RNGTT: variants seen among roughly 807,000 people sequenced by gnomAD.
RNGTT encodes RNA guanylyltransferase and 5'-phosphatase.
RNGTT carries 33 observed loss-of-function variants against 79.3 expected under a neutral mutation model. That is an observed-to-expected ratio of 0.42 (90% confidence interval 0.32 to 0.56). The LOEUF (loss-of-function observed/expected upper bound fraction) is 0.56, where lower values mean the gene tolerates loss of function less well. RNGTT is among the 20% of genes least tolerant of loss of function. The pLI, the probability that RNGTT is intolerant of heterozygous loss-of-function variation, is 0.17. For missense variants in RNGTT, 497 were observed against 739.1 expected, an observed-to-expected ratio of 0.67 and a Z score of 3.80; for synonymous variants, 222 against 235.9, an observed-to-expected ratio of 0.94 and a Z score of 0.54.
intron 4 of RNGTT, among the ~76,000 whole-genome samples, chr6:88,925,123 G>T (rs751159007): frequency 2.6e-5 from 4 of 151,324 alleles, no homozygotes; most frequent in Non-Finnish European, 5.9e-5. Flanking sequence ...CCAGAAACTG[G>T]ATTAAAAACC....
At chr6:88,847,216 C>A (rs996977697) in intron 10 of RNGTT, among the ~76,000 whole-genome samples, 1 of 152,046 alleles carries the variant, frequency 6.6e-6, no homozygotes, top group African/African-American at 2.4e-5. Flanking sequence ...CAATGAAACG[C>A]TGTGCAAATG....
At chr6:88,669,933 C>T (rs980042609) in intron 14 of RNGTT, among the ~76,000 whole-genome samples, 22 of 152,184 alleles carry the variant, frequency 1.4e-4, no homozygotes, top group African/African-American at 5.1e-4. Flanking sequence ...ATACCAAACC[C>T]CCATTTACAT....
chr6:88,878,018 A>G (rs1292663203), intron 8 of RNGTT, among the ~76,000 whole-genome samples: 1 of 152,200 alleles, frequency 6.6e-6, no homozygotes, highest in Non-Finnish European at 1.5e-5. Context: ...TAAAATTAGT[A>G]TAGTTAGTAT....
At chr6:88,707,007 G>C (rs1014512264) in intron 13 of RNGTT, among the ~76,000 whole-genome samples, 1 of 152,144 alleles carries the variant, frequency 6.6e-6, no homozygotes, top group African/African-American at 2.4e-5. Flanking sequence ...AGAAGGTGAT[G>C]AATTAAACTT....
intron 14 of RNGTT, among the ~76,000 whole-genome samples, chr6:88,615,209 T>C (rs540080681): frequency 1.3e-5 from 2 of 152,358 alleles, no homozygotes; most frequent in East Asian, 3.9e-4. Context: ...TCTGTCCTCA[T>C]CTTTCATGGC....
intron 2 of RNGTT, among the ~76,000 whole-genome samples, chr6:88,929,548 T>C (rs1784420357): frequency 6.6e-6 from 1 of 152,162 alleles, no homozygotes; most frequent in South Asian, 2.1e-4. Context: ...CAAAAGTCTA[T>C]GCAAAAGAGA....
chr6:88,761,020 C>CACAT (rs1554214412), intron 13 of RNGTT, among the ~76,000 whole-genome samples: 1 of 50,160 alleles, frequency 2.0e-5, no homozygotes, highest in Admixed American at 2.5e-4. Context: ...AAAAGAAATA[C>CACAT]ACACACACAC....
intron 1 of RNGTT, among the ~76,000 whole-genome samples, chr6:88,942,020 TCACTATGTTGTC>T (rs1784865806): frequency 6.6e-6 from 1 of 152,006 alleles, no homozygotes; most frequent in African/African-American, 2.4e-5. Context: ...TTGTCAGGTC[TCACTATGTTGTC>T]CAGGCTAGTC....
chr6:88,853,870 A>G (rs913099942), intron 8 of RNGTT, 106 bp from the exon 9 acceptor site: 1 of 605,586 alleles, frequency 1.7e-6, no homozygotes, highest in African/African-American at 1.9e-5. Context: ...TCTGTAGACT[A>G]ATGTTCACTG....
chr6:88,688,726 T>G lies in RNGTT; in HGVS notation c.1440-10307A>C, dbSNP rs79116715. On this transcript the variant is annotated intron_variant, in intron 13 of 15. Transcript: ENST00000369485. ...TATAACCCATAAAATAAAATACAGC[T>G]CTGACCCTTGAATAACATGGGTTTG... 8.3e-3 allele frequency among the ~76,000 whole-genome samples: 1,256 copies of G among 152,212 alleles called. 19 individuals carry two copies. The highest frequency in any genetic ancestry group is 0.028 in the African/African-American group (1,183 of 41,538).
At chr6:88,808,696 G>A (rs1187061976) in intron 11 of RNGTT, among the ~76,000 whole-genome samples, 1 of 152,140 alleles carries the variant, frequency 6.6e-6, no homozygotes, top group Non-Finnish European at 1.5e-5. Flanking sequence ...GATAGCTTGA[G>A]CCCAGGAGTT....
chr6:88,612,349 G>A lies in RNGTT; in HGVS notation c.*370C>T, dbSNP rs1233649866. On this transcript the variant is annotated 3_prime_UTR_variant, in exon 16 of 16. Transcript: ENST00000369485. ...AACTTCTAAAAAATACTGTTTTATG[G>A]GCTCACAGTTTCCAGATTGTTAACT... 1 of 158,018 alleles carries A rather than the reference G, an allele frequency of 6.3e-6. No homozygotes were observed. Among genetic ancestry groups the A allele is most frequent in the African/African-American group, 2.4e-5 (1 of 41,580 alleles). 9.8% of individuals were successfully genotyped at this position (158,018 alleles called of 1,614,324 possible).
intron 12 of RNGTT, among the ~76,000 whole-genome samples, chr6:88,773,873 A>G (rs1308165579): frequency 3.3e-5 from 5 of 152,198 alleles, no homozygotes; most frequent in Admixed American, 3.3e-4. Flanking sequence ...AGAAGAAAAC[A>G]TAAGGCTCTG....
At chr6:88,821,485 CAAAGA>C (rs1048477711) in intron 11 of RNGTT, among the ~76,000 whole-genome samples, 3 of 151,570 alleles carry the variant, frequency 2.0e-5, no homozygotes, top group Admixed American at 6.6e-5. Context: ...AAAAGAAGAA[CAAAGA>C]AAAGTATAAA....
intron 14 of RNGTT, among the ~76,000 whole-genome samples, chr6:88,656,681 G>C (rs1773989656): frequency 6.6e-6 from 1 of 151,908 alleles, no homozygotes; most frequent in Non-Finnish European, 1.5e-5. Flanking sequence ...AAAGGGGTCA[G>C]TCATCTGGGA....
intron 8 of RNGTT, among the ~76,000 whole-genome samples, chr6:88,861,435 C>T (rs191889651): frequency 1.3e-5 from 2 of 152,310 alleles, no homozygotes; most frequent in African/African-American, 4.8e-5. Context: ...TTGCCTGTTT[C>T]TCTCATTACC....
chr6:88,711,669 C>T (rs1460496375), intron 13 of RNGTT, among the ~76,000 whole-genome samples: 1 of 152,114 alleles, frequency 6.6e-6, no homozygotes, highest in Admixed American at 6.5e-5. Flanking sequence ...CAGCCTTTAC[C>T]GCTAAGGAGT....
At chr6:88,720,245 A>T (rs1776664161) in intron 13 of RNGTT, among the ~76,000 whole-genome samples, 1 of 152,174 alleles carries the variant, frequency 6.6e-6, no homozygotes, top group Non-Finnish European at 1.5e-5. Context: ...AATATGTTAC[A>T]GTTCCTATGA....
Position 88,667,694 on chromosome 6 carries a change from A to G in RNGTT, c.1506+10659T>C, listed in dbSNP as rs894819298. Among the ~76,000 whole-genome samples the G allele has an allele frequency of 3.9e-5, 6 of 152,308 alleles. No individual in the cohort carries two copies. The South Asian group carries it at 8.3e-4, about 21-fold the overall frequency. The stretch of plus-strand genomic sequence containing the variant: ...CTGCCCTTACGGATTGGCTCAGACA[A>G]TGGGCCGGCATTTGTGGCTGACTTG... On this transcript the variant is annotated intron_variant, in intron 14 of 15. Transcript: ENST00000369485.
Sources: gnomAD v4.1 joint callset for allele counts (sites outside exome capture counted in the v4.1 genomes callset) on GRCh38, gnomAD v4.1.1 for gene constraint, MANE v1.5 for transcripts, NCBI Gene and HGNC (gene_info 2026-07-23, HGNC 2026-07-21) for gene names.